Variants in OBSL1 observed in about 807,000 individuals in gnomAD.
OBSL1 encodes obscurin-like protein 1.
In OBSL1, 160 loss-of-function variants were observed where a neutral mutation model predicts 172.0. The observed-to-expected ratio is 0.93, with a 90% CI of 0.82 to 1.06. The LOEUF is 1.06. OBSL1 is among the 50% of genes least tolerant of loss of function. The pLI is 0.00. For missense variants in OBSL1, 2,681 were observed against 2,715.4 expected (o/e 0.99, Z 0.28); for synonymous variants, 1,200 against 1,196.3 (o/e 1.00, Z -0.06).
chr2:219,547,970 C>T, downstream of OBSL1: 2 of 1,588,114 alleles, frequency 1.3e-6, no homozygotes, highest in Non-Finnish European at 8.5e-7. Context: ...TGCTCCTGTG[C>T]CCCCACTCTG....
intron 9 of OBSL1, 46 bp downstream of exon 9, chr2:219,559,179 G>GC (rs1457182934): frequency 6.5e-7 from 1 of 1,546,644 alleles, no homozygotes; most frequent in African/African-American, 1.4e-5. Flanking sequence ...CTGTCCCTTA[G>GC]CCCCCTACCT....
chr2:219,553,266 C>T (rs1428193061), intron 16 of OBSL1, among the ~76,000 whole-genome samples: 9 of 152,190 alleles, frequency 5.9e-5, no homozygotes, highest in African/African-American at 2.2e-4. Context: ...AAGCCCAGAG[C>T]CAGGTATCGA....
At chr2:219,562,027 A>G (rs1484342997) in intron 8 of OBSL1, 3 of 717,262 alleles carry the variant, frequency 4.2e-6, no homozygotes, top group Non-Finnish European at 7.8e-6. Flanking sequence ...CAAACAAAGC[A>G]CATGTGTGGA....
rs1178276750 is a variant in OBSL1, at chr2:219,556,128, C to T, written c.4501G>A (p.Asp1501Asn). The T allele has an allele frequency of 6.2e-7, 1 of 1,613,938 alleles. No individual in the cohort carries two copies. The highest frequency in any genetic ancestry group is 8.5e-7 in the Non-Finnish European group (1 of 1,179,890). ...PHDSRLSMAQ[D>N]GHIHRLFIHG... The stretch of plus-strand genomic sequence containing the variant: ...ATGAAGAGGCGGTGGATGTGCCCAT[C>T]CTGGGCCATGGACAGGCGAGAGTCG... The change falls in exon 14 of 21, where the codon GAT (aspartate) becomes AAT (asparagine). Residue 1501 changes from aspartate to asparagine, a missense_variant. Transcript: ENST00000404537.
At position 219,552,225 on chromosome 2, in the gene OBSL1, G is replaced by A; in HGVS notation, c.5309-9C>T. ...CAGAATGTGTTTCTTCCCTGGGGGT[G>A]AGGGGGTCGCTAGCGAGGCCGGAGC... On this transcript the variant is annotated splice_polypyrimidine_tract_variant and intron_variant, in intron 18 of 20. Transcript: ENST00000404537. 6.3e-7 allele frequency: 1 copy of A among 1,586,988 alleles called. No homozygotes were observed.
At position 219,554,633 on chromosome 2, in the gene OBSL1, C is replaced by G; in HGVS notation, c.4717G>C (p.Ala1573Pro). 2 of 1,611,358 alleles carry G rather than the reference C, an allele frequency of 1.2e-6. No individual in the cohort carries two copies. Among genetic ancestry groups the G allele is most frequent in the Non-Finnish European group, 8.5e-7 (1 of 1,178,846 alleles). Residue 1573 changes from alanine to proline, a missense_variant, in exon 15 of 21, where the codon GCC becomes CCC. Transcript: ENST00000404537. The part of the protein sequence containing the change: ...LSQEGVTGEW[A>P]RGGVQLYPGP... ...GGATACAGCTGTACTCCACCCCGGGCCCACTCCCCGGTCACACCTTCCTGG... is the reference window on the plus strand; with the variant it reads ...GGATACAGCTGTACTCCACCCCGGGGCCACTCCCCGGTCACACCTTCCTGG...
At position 219,556,662 on chromosome 2, in the gene OBSL1, A is replaced by G. The variant is rs886055661; in HGVS notation, c.4128T>C (p.Asp1376=). The change falls in exon 13 of 21, where the codon GAT becomes GAC. Residue 1376 remains aspartate, a synonymous_variant. Coordinates refer to ENST00000404537, the MANE Select transcript of OBSL1 (RefSeq NM_015311.3). The stretch of plus-strand genomic sequence containing the variant: ...GGGAGACTTCACACCGGAACGTGGC[A>G]TCATCGCCCTCGTGGACAGTGAGTG... ...LTPLTVHEGD[D]ATFRCEVSPP... 1 of 1,612,440 alleles carries G rather than the reference A, an allele frequency of 6.2e-7. No homozygotes were observed. The highest frequency in any genetic ancestry group is 1.7e-5 in the Admixed American group (1 of 59,996).
intron 12 of OBSL1, 77 bp downstream of exon 12, chr2:219,557,266 G>T: frequency 1.5e-6 from 2 of 1,366,660 alleles, no homozygotes; most frequent in Non-Finnish European, 1.9e-6. Context: ...GGGGGTGGAG[G>T]AGTAAGGGGG....
rs376328439 is a variant in OBSL1 at position 219,558,208 on chromosome 2, T to C, written c.3478A>G (p.Ile1160Val). Residue 1160 changes from isoleucine to valine, a missense_variant, in exon 10 of 21, where the codon ATC becomes GTC. Ile to Val is a conservative substitution (Grantham distance 29). Around this residue, in one of 5 missense-constraint regions of OBSL1, gnomAD observed 1,765 missense variants for 1,748.3 expected, o/e 1.01. Coordinates refer to ENST00000404537, the MANE Select transcript of OBSL1 (RefSeq NM_015311.3). ...CCAGCCAGGATGACATTGAAGGTGATGGCCTCATGCCGGGTCTCACACACA... is the reference window on the plus strand; with the variant it reads ...CCAGCCAGGATGACATTGAAGGTGACGGCCTCATGCCGGGTCTCACACACA... ...EYVCETRHEA[I>V]TFNVILAEPP... is the part of the protein sequence containing the mutation. The C allele has an allele frequency of 6.8e-6, 11 of 1,608,232 alleles. No individual in the cohort carries two copies. The highest frequency in any genetic ancestry group is 1.7e-5 in the Admixed American group (1 of 59,706).
At position 219,552,987 on chromosome 2, in the gene OBSL1, A is replaced by G. The variant is rs1283533322; in HGVS notation, c.5027T>C (p.Leu1676Pro). The G allele has an allele frequency of 2.0e-6, 3 of 1,527,976 alleles. No homozygotes were observed. Among genetic ancestry groups the G allele is most frequent in the South Asian group, 2.4e-5 (2 of 82,962 alleles). The allele number at this position is 1,527,976 out of a possible 1,614,324, so 94.7% of individuals were successfully genotyped here. ...AAGGCGGCGCGTGCCGAGGGCCTGG[A>G]GCCGGAGCCGCGGGCTAGGCGTAAG... Reference protein sequence around the residue: ...NALTPSPRLRLQALGTRRLLQ... With the variant: ...NALTPSPRLRPQALGTRRLLQ... Residue 1676 changes from leucine (L) to proline (P), a missense_variant, in exon 17 of 21, where the codon CTC (leucine) becomes CCC (proline). Leu to Pro is a moderately conservative substitution (Grantham distance 98). Around this residue, in one of 5 missense-constraint regions of OBSL1, gnomAD observed 1,765 missense variants for 1,748.3 expected, o/e 1.01. Transcript: ENST00000404537.
chr2:219,568,183 T>C lies in OBSL1; in HGVS notation c.1154A>G (p.Lys385Arg), dbSNP rs765640480. 1 of 1,613,728 alleles carries C rather than the reference T, an allele frequency of 6.2e-7. No individual in the cohort carries two copies. Among genetic ancestry groups the C allele is most frequent in the Admixed American group, 1.7e-5 (1 of 60,030 alleles). Residue 385 changes from lysine to arginine, a missense_variant, in exon 2 of 21, where the codon AAG (lysine) becomes AGG (arginine). Physicochemically the swap from Lys to Arg is conservative, Grantham distance 26. Transcript: ENST00000404537. This position sits in a 1 kb window ranked among gnomAD's most constrained non-coding sequence, Gnocchi z 4.1. ...AGTGCCCTCTTCGATCTGCTCGTAC[T>C]TGCGGCAGGGCAGCAGCCGCTGGTC... ...REDQRLLPCR[K>R]YEQIEEGTVR...
chr2:219,567,599 T>C (rs965387986), intron 3 of OBSL1, 24 bp from the exon 4 acceptor site: 16 of 1,599,588 alleles, frequency 1.0e-5, no homozygotes, highest in Non-Finnish European at 1.3e-5. Flanking sequence ...AGGGATGTGT[T>C]CCGGCCTTGC....
At position 219,565,432 on chromosome 2, in the gene OBSL1, C is replaced by T. The variant is rs1172029290; in HGVS notation, c.2217G>A (p.Glu739=). ...TTGCCGGGAAGTCCACCCTTGAGAGCTCACAAGTCAGCACCACCCGCTCTG... is the reference window on the plus strand; with the variant it reads ...TTGCCGGGAAGTCCACCCTTGAGAGTTCACAAGTCAGCACCACCCGCTCTG... ...TTSERVVLTC[E]LSRVDFPATW... Residue 739 remains glutamate, a synonymous_variant, in exon 6 of 21, where the codon GAG becomes GAA. Coordinates refer to ENST00000404537, the MANE Select transcript of OBSL1 (RefSeq NM_015311.3). The T allele has an allele frequency of 1.9e-6, 3 of 1,613,732 alleles. No individual in the cohort carries two copies. The highest frequency in any genetic ancestry group is 3.3e-5 in the Admixed American group (2 of 60,004).
chr2:219,570,618 G>A lies in OBSL1; in HGVS notation c.615C>T (p.Gly205=). The change falls in exon 1 of 21, where the codon GGC becomes GGT. Residue 205 remains glycine (G), a synonymous_variant. Transcript: ENST00000404537. Reference sequence around the variant, plus strand: ...CGTTGCGGGCGTGGCACACGTAGACGCCGGAATCCGGCAGCCGAGCCGCCA... The same window carrying A: ...CGTTGCGGGCGTGGCACACGTAGACACCGGAATCCGGCAGCCGAGCCGCCA... The part of the protein sequence containing the change: ...RILAARLPDS[G]VYVCHARNAH... 3 of 1,511,148 alleles carry A rather than the reference G, an allele frequency of 2.0e-6. No individual in the cohort carries two copies. The highest frequency in any genetic ancestry group is 1.5e-5 in the African/African-American group (1 of 68,192). 93.6% of individuals were successfully genotyped at this position (1,511,148 alleles called of 1,614,324 possible). A position where few individuals can be genotyped will look rare whatever the true frequency, so the allele number is the denominator to read the frequency against.
intron 14 of OBSL1, 83 bp from the exon 15 acceptor site, chr2:219,554,823 GC>G: frequency 7.0e-7 from 1 of 1,438,230 alleles, no homozygotes; most frequent in Non-Finnish European, 9.3e-7. Flanking sequence ...CCTTGGCCCT[GC>G]CTACACCCCT....
At chr2:219,550,718 G>A (rs986241438), downstream of OBSL1, 7 of 1,388,982 alleles carry the variant, frequency 5.0e-6, no homozygotes, top group Non-Finnish European at 7.0e-6. Flanking sequence ...CACTCAGAGA[G>A]GCAAGGAAAT....
rs1697136524 is a variant in OBSL1 at position 219,568,974 on chromosome 2, C to T, written c.1013-650G>A. On this transcript the variant is annotated intron_variant, in intron 1 of 20. Coordinates refer to ENST00000404537, the MANE Select transcript of OBSL1 (RefSeq NM_015311.3). The surrounding 1 kb of genome is among the most constrained non-coding windows in gnomAD (Gnocchi z 4.1). ...ATGTTGGCCAGGCTGTTCTCGAACT[C>T]CTGACCTCAAATGATCCGCCCACCT... Among the ~76,000 whole-genome samples the T allele has an allele frequency of 6.6e-6, 1 of 151,708 alleles. No homozygotes were observed. Among genetic ancestry groups the T allele is most frequent in the South Asian group, 2.1e-4 (1 of 4,818 alleles).
At chr2:219,547,867 C>G (rs755562600), downstream of OBSL1, 1 of 1,589,736 alleles carries the variant, frequency 6.3e-7, no homozygotes, top group African/African-American at 1.3e-5. Flanking sequence ...CCCTGGCCAC[C>G]GCCGTGACTG....
At chr2:219,559,530 A>G (rs1213439907) in intron 8 of OBSL1, 33 bp from the exon 9 acceptor site, 1 of 1,592,942 alleles carries the variant, frequency 6.3e-7, no homozygotes, top group East Asian at 2.3e-5. Context: ...GCCTGTCACA[A>G]GCTCACCGTC....
Sources: allele counts gnomAD v4.1 joint callset (sites outside exome capture counted in the v4.1 genomes callset), GRCh38; gene constraint gnomAD v4.1.1; regional missense constraint gnomAD v4.1.1; non-coding constraint Gnocchi (gnomAD v3.1); transcripts MANE v1.5; gene names NCBI Gene and HGNC (gene_info 2026-07-23, HGNC 2026-07-21).